The following NSUN6 variants were observed in gnomAD, a reference collection of about 807,000 sequenced individuals.
NSUN6 encodes the protein NOP2/Sun RNA methyltransferase 6.
Under a neutral mutation model 58.0 loss-of-function variants are expected in NSUN6, and 64 were observed. That is an observed-to-expected ratio of 1.10 (90% CI 0.90 to 1.36). NSUN6 has a LOEUF of 1.36. NSUN6 is among the 40% of genes most tolerant of loss of function. The pLI, the probability that NSUN6 is intolerant of heterozygous loss-of-function variation, is 0.00. For missense variants in NSUN6, 701 were observed against 550.1 expected, an observed-to-expected ratio of 1.27 and a Z score of -2.74; for synonymous variants, 231 against 193.9, an observed-to-expected ratio of 1.19 and a Z score of -1.59.
intron 8 of NSUN6, among the ~76,000 whole-genome samples, chr10:18,559,500 A>ATGGAG (rs1328262823): frequency 2.0e-5 from 3 of 150,478 alleles, no homozygotes; most frequent in Non-Finnish European, 4.4e-5. Context: ...ATGGAATGGA[A>ATGGAG]TGGAGAGTAG....
At chr10:18,657,160 C>A (rs566578931), upstream of NSUN6, among the ~76,000 whole-genome samples, 4 of 151,998 alleles carry the variant, frequency 2.6e-5, no homozygotes, top group South Asian at 6.2e-4. Flanking sequence ...TCTAACAGAT[C>A]GATAGGTACA....
chr10:18,640,455 G>A (rs1244901211), intron 3 of NSUN6, among the ~76,000 whole-genome samples: 2 of 152,178 alleles, frequency 1.3e-5, no homozygotes, highest in African/African-American at 4.8e-5. Context: ...AACAGAATAA[G>A]AAATGGCCAA....
intron 3 of NSUN6, among the ~76,000 whole-genome samples, chr10:18,624,495 AC>A (rs2058717874): frequency 1.3e-5 from 2 of 151,322 alleles, no homozygotes; most frequent in South Asian, 2.1e-4. Flanking sequence ...CTAAAAAAAT[AC>A]AAAAAAAAAA....
intron 9 of NSUN6, among the ~76,000 whole-genome samples, chr10:18,548,918 T>C (rs1400474585): frequency 6.6e-6 from 1 of 152,186 alleles, no homozygotes; most frequent in Non-Finnish European, 1.5e-5. Flanking sequence ...CTATTGGCTC[T>C]ACCTTCACAT....
chr10:18,606,496 A>T (rs1185447019), intron 6 of NSUN6, among the ~76,000 whole-genome samples: 1 of 152,210 alleles, frequency 6.6e-6, no homozygotes, highest in East Asian at 1.9e-4. Flanking sequence ...TGAAATCTGA[A>T]TACCAGTTGG....
chr10:18,617,704 T>A (rs1469761528), intron 3 of NSUN6, among the ~76,000 whole-genome samples: 2 of 152,102 alleles, frequency 1.3e-5, no homozygotes, highest in Non-Finnish European at 2.9e-5. Flanking sequence ...AGTGTTACGG[T>A]CTGGATGTGT....
At chr10:18,581,407 C>T (rs980280282) in intron 8 of NSUN6, among the ~76,000 whole-genome samples, 2 of 152,152 alleles carry the variant, frequency 1.3e-5, no homozygotes, top group African/African-American at 2.4e-5. Flanking sequence ...CTGCTACACT[C>T]CCACTGGCAC....
chr10:18,586,225 A>G, intron 7 of NSUN6, 132 bp from the exon 8 acceptor site: 1 of 684,906 alleles, frequency 1.5e-6, no homozygotes, highest in Non-Finnish European at 2.3e-6. Context: ...CTAATTTAAA[A>G]CCTCTATCCA....
At chr10:18,583,340 C>G (rs1398334087) in intron 8 of NSUN6, among the ~76,000 whole-genome samples, 2 of 152,144 alleles carry the variant, frequency 1.3e-5, no homozygotes, top group Non-Finnish European at 2.9e-5. Context: ...CGGACTCAGC[C>G]CACCTGCACC....
At chr10:18,591,232 G>A (rs765340706) in intron 7 of NSUN6, among the ~76,000 whole-genome samples, 21 of 152,254 alleles carry the variant, frequency 1.4e-4, no homozygotes, top group Middle Eastern at 3.4e-3. Flanking sequence ...TTCTGAAATT[G>A]AGGCGGTAAT....
intron 8 of NSUN6, among the ~76,000 whole-genome samples, chr10:18,565,900 TTCCGTTC>T (rs2055894039): frequency 6.6e-6 from 1 of 150,726 alleles, no homozygotes; most frequent in African/African-American, 2.4e-5. Context: ...CTCCATTCCA[TTCCGTTC>T]TCCATTCTGC....
At chr10:18,612,908 G>A (rs570126918) in intron 5 of NSUN6, among the ~76,000 whole-genome samples, 5 of 152,126 alleles carry the variant, frequency 3.3e-5, no homozygotes, top group Non-Finnish European at 4.4e-5. Context: ...TGGAATTCAA[G>A]AAAGCAAAGG....
At chr10:18,603,026 C>T (rs1025658162) in intron 6 of NSUN6, among the ~76,000 whole-genome samples, 6 of 152,162 alleles carry the variant, frequency 3.9e-5, no homozygotes, top group African/African-American at 1.4e-4. Flanking sequence ...GGCGCAGTGG[C>T]TCACTCCTGT....
intron 7 of NSUN6, among the ~76,000 whole-genome samples, chr10:18,593,298 G>A (rs923244406): frequency 4.6e-5 from 7 of 152,188 alleles, no homozygotes; most frequent in Admixed American, 3.3e-4. Context: ...AGACAGTGTG[G>A]CGATTCCTCA....
At chr10:18,620,137 G>C (rs936553647) in intron 3 of NSUN6, among the ~76,000 whole-genome samples, 9 of 151,402 alleles carry the variant, frequency 5.9e-5, no homozygotes, top group Middle Eastern at 3.4e-3. Flanking sequence ...TCCCAGGCTG[G>C]AGTGCAGTTG....
At chr10:18,614,366 T>C in intron 5 of NSUN6, 94 bp downstream of exon 5, 3 of 728,032 alleles carry the variant, frequency 4.1e-6, no homozygotes, top group East Asian at 6.5e-5. Context: ...AAAAAAAATT[T>C]CATATAATGC....
chr10:18,648,595 C>T lies in NSUN6; in HGVS notation c.126G>A (p.Leu42=), dbSNP rs762353306. The change falls in exon 2 of 11, where the codon TTG becomes TTA. Residue 42 remains leucine (L), a synonymous_variant. Transcript: ENST00000377304. ...ATGGAGGATGTGACAGGTGCTTTAA[C>T]AAAGTTTCAAACTTCCTTTCTGCTT... ...KQEAERKFET[L]LKHLSHPPSF... The T allele has an allele frequency of 1.9e-6, 3 of 1,607,278 alleles. No individual in the cohort carries two copies. The highest frequency in any genetic ancestry group is 2.6e-6 in the Non-Finnish European group (3 of 1,174,204).
At chr10:18,612,719 A>G (rs2058278981) in intron 5 of NSUN6, among the ~76,000 whole-genome samples, 1 of 152,236 alleles carries the variant, frequency 6.6e-6, no homozygotes, top group Non-Finnish European at 1.5e-5. Flanking sequence ...TGAACTTAAC[A>G]TAACGAAGAA....
chr10:18,610,892 A>C lies in NSUN6; in HGVS notation c.576-966T>G, dbSNP rs185662852. Among the ~76,000 whole-genome samples, 3 of 152,288 alleles carry C rather than the reference A, an allele frequency of 2.0e-5. No individual in the cohort carries two copies. In the East Asian group the frequency reaches 5.8e-4, roughly 29 times the overall value. On this transcript the variant is annotated intron_variant, in intron 5 of 10. Transcript: ENST00000377304. ...ACGGCACAGAAAAAAGTATAGTCTC[A>C]TTAAAAGGGAAGTATAAAAATCAGG...
Sources: gnomAD v4.1 joint callset for allele counts (sites outside exome capture counted in the v4.1 genomes callset) on GRCh38, gnomAD v4.1.1 for gene constraint, MANE v1.5 for transcripts, NCBI Gene and HGNC (gene_info 2026-07-23, HGNC 2026-07-21) for gene names.